The following GRIA4 variants were observed in gnomAD, a reference collection of about 807,000 sequenced individuals.
GRIA4 encodes glutamate receptor 4.
In GRIA4, 34 loss-of-function variants were observed where a neutral mutation model predicts 104.0. That is an observed-to-expected ratio of 0.33 (90% CI 0.25 to 0.44). The LOEUF (loss-of-function observed/expected upper bound fraction) is 0.44, where lower values mean the gene tolerates loss of function less well. Among genes scored for constraint, GRIA4 ranks in the 20% least tolerant of loss-of-function variants. The probability of loss-of-function intolerance (pLI) is 1.00; values close to 1 mark genes in which losing one functional copy is unlikely to be tolerated. For synonymous variants in GRIA4, 386 were observed against 381.9 expected (o/e 1.01, Z -0.13); for missense variants, 750 against 1,096.5 (o/e 0.68, Z 4.46).
At chr11:105,904,120 C>T in intron 8 of GRIA4, 139 bp downstream of exon 8, 7 of 622,824 alleles carry the variant, frequency 1.1e-5, no homozygotes, top group Non-Finnish European at 1.9e-5. Context: ...ATTTTTGGAA[C>T]ATTTCTACAT....
intron 3 of GRIA4, among the ~76,000 whole-genome samples, chr11:105,636,041 C>T (rs866459382): frequency 3.3e-5 from 5 of 152,066 alleles, no homozygotes; most frequent in African/African-American, 9.7e-5. Flanking sequence ...GCTGGAAGAA[C>T]TCAAAACACT....
chr11:105,617,948 T>C (rs1257951695), intron 3 of GRIA4, among the ~76,000 whole-genome samples: 1 of 151,916 alleles, frequency 6.6e-6, no homozygotes. Context: ...GATAATTACA[T>C]CAAACTTGGC....
At chr11:105,667,370 A>T (rs942495638) in intron 3 of GRIA4, among the ~76,000 whole-genome samples, 81 of 152,160 alleles carry the variant, frequency 5.3e-4, no homozygotes, top group African/African-American at 1.8e-3. Flanking sequence ...TGAAGATATC[A>T]AAGACGGGCC....
intron 3 of GRIA4, among the ~76,000 whole-genome samples, chr11:105,664,357 G>A (rs563826082): frequency 5.3e-5 from 8 of 150,744 alleles, no homozygotes; most frequent in Admixed American, 4.7e-4. Flanking sequence ...CCAGCAGTAG[G>A]ACAGAGTAGC....
At chr11:105,674,403 T>C (rs1308909243) in intron 3 of GRIA4, among the ~76,000 whole-genome samples, 1 of 151,714 alleles carries the variant, frequency 6.6e-6, no homozygotes, top group East Asian at 1.9e-4. Context: ...ACTTAGCTAC[T>C]AGATGATCTA....
intron 3 of GRIA4, among the ~76,000 whole-genome samples, chr11:105,732,906 CT>C (rs1938689860): frequency 6.6e-6 from 1 of 152,162 alleles, no homozygotes; most frequent in African/African-American, 2.4e-5. Context: ...ATCCATTACG[CT>C]ATTATTAATC....
chr11:105,777,340 T>C (rs1177212173), intron 4 of GRIA4, among the ~76,000 whole-genome samples: 1 of 152,188 alleles, frequency 6.6e-6, no homozygotes, highest in African/African-American at 2.4e-5. Context: ...TATGCTTCAG[T>C]TAGCTAGAAA....
In GRIA4 at chr11:105,979,563, C is replaced by T. The variant is rs1225074955; in HGVS notation, c.2545-12C>T. The stretch of plus-strand genomic sequence containing the variant: ...CTCCGCGTTCTTTCTGCTTCCTTTC[C>T]ATGCAACCCAGCTGACCTTTTCTGA... On this transcript the variant is annotated splice_polypyrimidine_tract_variant and intron_variant, in intron 16 of 16. Transcript: ENST00000282499. 2 of 1,612,308 alleles carry T rather than the reference C, an allele frequency of 1.2e-6. No individual in the cohort carries two copies. Among genetic ancestry groups the T allele is most frequent in the African/African-American group, 2.7e-5 (2 of 74,864 alleles).
At chr11:105,795,431 T>C (rs1358287282) in intron 4 of GRIA4, among the ~76,000 whole-genome samples, 1 of 151,940 alleles carries the variant, frequency 6.6e-6, no homozygotes, top group Non-Finnish European at 1.5e-5. Context: ...TGTAGGAGAG[T>C]ATGAAACATT....
intron 3 of GRIA4, among the ~76,000 whole-genome samples, chr11:105,724,653 G>A (rs2135586659): frequency 6.6e-6 from 1 of 152,148 alleles, no homozygotes; most frequent in South Asian, 2.1e-4. Context: ...GGGGCAGTAG[G>A]GGATGGTGAT....
chr11:105,621,329 T>C (rs1241425217), intron 3 of GRIA4, among the ~76,000 whole-genome samples: 1 of 151,500 alleles, frequency 6.6e-6, no homozygotes, highest in East Asian at 1.9e-4. Flanking sequence ...TATTCCTTAA[T>C]CACAACACTT....
intron 4 of GRIA4, among the ~76,000 whole-genome samples, chr11:105,850,898 A>T (rs1008079534): frequency 1.9e-4 from 29 of 152,138 alleles, no homozygotes; most frequent in Non-Finnish European, 4.3e-4. Flanking sequence ...AATAAAATTA[A>T]CCCAAACTGA....
At chr11:105,788,544 A>T (rs1356547297) in intron 4 of GRIA4, among the ~76,000 whole-genome samples, 1 of 152,208 alleles carries the variant, frequency 6.6e-6, no homozygotes, top group African/African-American at 2.4e-5. Context: ...CATATACAAC[A>T]TGGAATACTA....
intron 4 of GRIA4, among the ~76,000 whole-genome samples, chr11:105,796,573 T>C (rs1793611909): frequency 6.6e-6 from 1 of 152,176 alleles, no homozygotes; most frequent in African/African-American, 2.4e-5. Context: ...AGTGTTCTGG[T>C]TTCTCCATCT....
chr11:105,764,921 T>G (rs1405412660), intron 4 of GRIA4, among the ~76,000 whole-genome samples: 1 of 152,146 alleles, frequency 6.6e-6, no homozygotes, highest in Non-Finnish European at 1.5e-5. Flanking sequence ...TTACCCTTAC[T>G]AGATCCAAGA....
chr11:105,634,217 C>A (rs940825316), intron 3 of GRIA4, among the ~76,000 whole-genome samples: 21 of 151,698 alleles, frequency 1.4e-4, no homozygotes, highest in African/African-American at 5.1e-4. Flanking sequence ...TGTGGTGGCA[C>A]GCACTTGTAG....
chr11:105,713,177 G>A lies in GRIA4; in HGVS notation c.248-39804G>A, dbSNP rs1953972966. On this transcript the variant is annotated intron_variant, in intron 3 of 16. Transcript: ENST00000282499. The stretch of plus-strand genomic sequence containing the variant: ...GCAGGTGGATCACTTGAGGTCAGGA[G>A]ATCAAGACCAGCCTAGCCAACATGG... 2.0e-5 allele frequency among the ~76,000 whole-genome samples: 3 copies of A among 152,064 alleles called. No individual in the cohort carries two copies. In the South Asian group the frequency reaches 6.2e-4, roughly 31 times the overall value.
chr11:105,662,233 C>T (rs1158943171), intron 3 of GRIA4, among the ~76,000 whole-genome samples: 1 of 151,756 alleles, frequency 6.6e-6, no homozygotes, highest in Non-Finnish European at 1.5e-5. Context: ...TAAAAATATT[C>T]ATTTTACAGG....
At position 105,695,437 on chromosome 11, in the gene GRIA4, T is replaced by C. The variant is rs573385569; in HGVS notation, c.248-57544T>C. On this transcript the variant is annotated intron_variant, in intron 3 of 16. Coordinates refer to ENST00000282499, the MANE Select transcript of GRIA4 (RefSeq NM_000829.4). ...TTTCATCCTGGAGAGAGAGAGAGTG[T>C]ATGCGTGCGTGTGTGTGTGTGTCTG... 1.9e-4 allele frequency among the ~76,000 whole-genome samples: 28 copies of C among 150,504 alleles called. No homozygotes were observed. The East Asian group carries it at 5.0e-3, about 27-fold the overall frequency.
Sources: gnomAD v4.1 joint callset for allele counts (sites outside exome capture counted in the v4.1 genomes callset) on GRCh38, gnomAD v4.1.1 for gene constraint, MANE v1.5 for transcripts, NCBI Gene and HGNC (gene_info 2026-07-23, HGNC 2026-07-21) for gene names.